Variants in HMGCL observed in about 807,000 individuals in gnomAD.
The protein encoded by HMGCL is 3-hydroxy-3-methylglutaryl-CoA lyase.
In HMGCL, 26 loss-of-function variants were observed where a neutral mutation model predicts 37.3. The observed-to-expected ratio is 0.70, with a 90% CI of 0.51 to 0.97. HMGCL has a LOEUF of 0.97. HMGCL is among the 50% of genes least tolerant of loss of function. The pLI is 0.00. For missense variants in HMGCL, 379 were observed against 398.1 expected (o/e 0.95, Z 0.41); for synonymous variants, 151 against 148.0 (o/e 1.02, Z -0.15).
chr1:23,804,310 A>G (rs1224563339), intron 8 of HMGCL, 90 bp downstream of exon 8: 2 of 1,527,406 alleles, frequency 1.3e-6, no homozygotes, highest in Admixed American at 1.7e-5. Context: ...GCACCTTAAC[A>G]ACCCCAAATA....
At chr1:23,811,162 C>G (rs1465635210) in intron 5 of HMGCL, among the ~76,000 whole-genome samples, 1 of 152,084 alleles carries the variant, frequency 6.6e-6, no homozygotes, top group Non-Finnish European at 1.5e-5. Flanking sequence ...GCCAGTACTC[C>G]AAAAGGAGAC....
intron 1 of HMGCL, 65 bp from the exon 2 acceptor site, chr1:23,820,658 A>G (rs140317438): frequency 2.2e-4 from 212 of 979,500 alleles, no homozygotes; most frequent in Middle Eastern, 4.1e-4. Context: ...AGGGAGACCA[A>G]TATGAAAGAA....
chr1:23,802,412 T>C lies in HMGCL; in HGVS notation c.*51A>G, dbSNP rs755182153. 58 of 1,058,782 alleles carry C rather than the reference T, an allele frequency of 5.5e-5. No individual in the cohort carries two copies. The highest frequency in any genetic ancestry group is 8.6e-5 in the Non-Finnish European group (58 of 672,800). 65.6% of individuals were successfully genotyped at this position (1,058,782 alleles called of 1,614,324 possible). A position where few individuals can be genotyped will look rare whatever the true frequency, so the allele number is the denominator to read the frequency against. On this transcript the variant is annotated 3_prime_UTR_variant, in exon 9 of 9. Transcript: ENST00000374490. ...CATGTCCCCATCCATGAATCATCTGTGTGTGCCCCTATTTCCACATCATCC... is the reference window on the plus strand; with the variant it reads ...CATGTCCCCATCCATGAATCATCTGCGTGTGCCCCTATTTCCACATCATCC...
chr1:23,820,192 T>A (rs1638687401), intron 2 of HMGCL, among the ~76,000 whole-genome samples: 1 of 152,164 alleles, frequency 6.6e-6, no homozygotes, highest in African/African-American at 2.4e-5. Context: ...TATATATACA[T>A]ATATTTTTTA....
intron 1 of HMGCL, among the ~76,000 whole-genome samples, chr1:23,824,157 C>G (rs545153624): frequency 6.6e-6 from 1 of 152,196 alleles, no homozygotes; most frequent in Admixed American, 6.5e-5. Flanking sequence ...TATGGTGTAC[C>G]TGCATCAACA....
At chr1:23,816,838 CT>C in intron 3 of HMGCL, 68 bp from the exon 4 acceptor site, 3 of 936,938 alleles carry the variant, frequency 3.2e-6, no homozygotes, top group Non-Finnish European at 5.3e-6. Flanking sequence ...TAGAGAAAAC[CT>C]TTTCATCACA....
At position 23,806,368 on chromosome 1, in the gene HMGCL, C is replaced by T. The variant is rs1262087225; in HGVS notation, c.750+1767G>A. Among the ~76,000 whole-genome samples the T allele has an allele frequency of 1.3e-5, 2 of 152,234 alleles. No individual in the cohort carries two copies. The highest frequency in any genetic ancestry group is 1.3e-4 in the Admixed American group (2 of 15,278). ...GTCAAAGTCCTACAAGGCCCCCGAT[C>T]TGGCCTTCCTCTAACCCTGACATCT... On this transcript the variant is annotated intron_variant, in intron 7 of 8. Transcript: ENST00000374490. The surrounding 1 kb of genome is among the most constrained non-coding windows in gnomAD (Gnocchi z 4.0).
At position 23,810,644 on chromosome 1, in the gene HMGCL, G is replaced by A. The variant is rs188548666; in HGVS notation, c.561+92C>T. On this transcript the variant is annotated intron_variant, in intron 6 of 8. Transcript: ENST00000374490. ...GGTGAATGAATGAAGTCAGGAACCT[G>A]CCAGAAAGGGTGGGGAGAGGAACCT... 229 of 1,052,674 alleles carry A rather than the reference G, an allele frequency of 2.2e-4. 1 individual carries two copies. The African/African-American group carries it at 3.1e-3, about 14-fold the overall frequency. 65.2% of individuals were successfully genotyped at this position (1,052,674 alleles called of 1,614,324 possible). A position where few individuals can be genotyped will look rare whatever the true frequency, so the allele number is the denominator to read the frequency against.
chr1:23,804,236 A>G (rs886510765), intron 8 of HMGCL, 164 bp downstream of exon 8: 2 of 789,972 alleles, frequency 2.5e-6, no homozygotes, highest in African/African-American at 1.7e-5. Context: ...TCAGCCTCCC[A>G]AAGTGCTGAG....
intron 6 of HMGCL, 23 bp from the exon 7 acceptor site, chr1:23,808,346 G>T: frequency 6.2e-7 from 1 of 1,606,848 alleles, no homozygotes; most frequent in Non-Finnish European, 8.5e-7. Context: ...GCAGGCACTT[G>T]GAGGATACAG....
intron 5 of HMGCL, among the ~76,000 whole-genome samples, chr1:23,812,335 C>T (rs542969246): frequency 1.3e-5 from 2 of 152,280 alleles, no homozygotes; most frequent in African/African-American, 4.8e-5. Context: ...GGAGTTATCC[C>T]CGAGAAGCAT....
chr1:23,819,174 G>A lies in HMGCL; in HGVS notation c.144+1336C>T, dbSNP rs141456647. ...TAACACCCTGGTGTGTAACTTTCTA[G>A]ATCTGTGCAGCCCAATATGTCACTA... On this transcript the variant is annotated intron_variant, in intron 2 of 8. Coordinates refer to ENST00000374490, the MANE Select transcript of HMGCL (RefSeq NM_000191.3). Among the ~76,000 whole-genome samples the A allele has an allele frequency of 2.6e-5, 4 of 152,046 alleles. No individual in the cohort carries two copies. In the East Asian group the frequency reaches 7.7e-4, roughly 29 times the overall value.
In HMGCL at chr1:23,802,060, A is replaced by C; in HGVS notation, c.*403T>G. The C allele has an allele frequency of 2.1e-6, 1 of 477,638 alleles. No homozygotes were observed. The highest frequency in any genetic ancestry group is 3.7e-6 in the Non-Finnish European group (1 of 271,626). 29.6% of individuals were successfully genotyped at this position (477,638 alleles called of 1,614,324 possible). ...TCCATGACCTGTGTCCTGAGAAGTC[A>C]GAGAGCAAGGGCCCCACGGCCATGG... On this transcript the variant is annotated 3_prime_UTR_variant, in exon 9 of 9. Transcript: ENST00000374490.
At chr1:23,810,652 G>T in intron 6 of HMGCL, 84 bp downstream of exon 6, 1 of 1,126,138 alleles carries the variant, frequency 8.9e-7, no homozygotes, top group South Asian at 1.3e-5. Context: ...CTGCCAGAAA[G>T]GGTGGGGAGA....
intron 5 of HMGCL, 81 bp from the exon 6 acceptor site, chr1:23,810,880 C>T (rs1183492466): frequency 5.4e-6 from 6 of 1,102,992 alleles, no homozygotes; most frequent in Non-Finnish European, 8.3e-6. Context: ...GTTTAACACA[C>T]ATTTCTGATC....
At chr1:23,815,153 G>A (rs1638589750) in intron 4 of HMGCL, among the ~76,000 whole-genome samples, 1 of 152,032 alleles carries the variant, frequency 6.6e-6, no homozygotes, top group Non-Finnish European at 1.5e-5. Context: ...CTTGCAGTGA[G>A]CCGAGATCAT....
At chr1:23,803,712 G>A (rs900694289) in intron 8 of HMGCL, 4 of 152,346 alleles carry the variant, frequency 2.6e-5, no homozygotes, top group African/African-American at 9.6e-5. Context: ...GGTTCAGAGA[G>A]ATGAAATAAT....
At chr1:23,802,655 A>C (rs1638306256) in intron 8 of HMGCL, 91 bp from the exon 9 acceptor site, 6 of 870,302 alleles carry the variant, frequency 6.9e-6, no homozygotes, top group Non-Finnish European at 1.2e-5. Flanking sequence ...TGTGATACTG[A>C]AAAGTAAAGG....
chr1:23,818,810 TGCCAGTATTACAGGCATGA>T (rs1234714540), intron 2 of HMGCL, among the ~76,000 whole-genome samples: 2 of 151,660 alleles, frequency 1.3e-5, no homozygotes, highest in Admixed American at 1.3e-4. Flanking sequence ...CCTCCCAAAG[TGCCAGTATTACAGGCATGA>T]GCCATCATGC....
Sources: gnomAD v4.1 joint callset for allele counts (sites outside exome capture counted in the v4.1 genomes callset) on GRCh38, gnomAD v4.1.1 for gene constraint, Gnocchi (gnomAD v3.1) non-coding constraint, MANE v1.5 for transcripts, NCBI Gene and HGNC (gene_info 2026-07-23, HGNC 2026-07-21) for gene names.